Variants in COL10A1 observed in about 807,000 individuals in gnomAD.
The protein encoded by COL10A1 is collagen alpha-1(X) chain.
Under a neutral mutation model 18.2 loss-of-function variants are expected in COL10A1, and 10 were observed. That is an observed-to-expected ratio of 0.55 (90% CI 0.34 to 0.93). The LOEUF is 0.93. Among genes scored for constraint, COL10A1 ranks in the 40% least tolerant of loss-of-function variants. The pLI is 0.02. For synonymous variants in COL10A1, 330 were observed against 316.6 expected (o/e 1.04, Z -0.45); for missense variants, 897 against 853.5 (o/e 1.05, Z -0.64).
chr6:116,178,011 T>G, the COL10A1 span, among the ~76,000 whole-genome samples: 1 of 152,018 alleles, frequency 6.6e-6, no homozygotes, highest in Admixed American at 6.6e-5. Context: ...TGGAATTGTT[T>G]TATCCTGTAT....
At chr6:116,166,045 A>T in the COL10A1 span, among the ~76,000 whole-genome samples, 2 of 152,162 alleles carry the variant, frequency 1.3e-5, no homozygotes, top group Admixed American at 6.5e-5. Context: ...GCCTGGGGTC[A>T]TGAAGGTAGA....
the COL10A1 span, among the ~76,000 whole-genome samples, chr6:116,216,367 C>G: frequency 6.8e-6 from 1 of 147,918 alleles, no homozygotes; most frequent in Non-Finnish European, 1.5e-5. Context: ...ATCCTGGTAG[C>G]ACATTAGGAC....
upstream of COL10A1, among the ~76,000 whole-genome samples, chr6:116,130,680 A>G (rs1164419455): frequency 1.3e-5 from 2 of 151,998 alleles, no homozygotes; most frequent in African/African-American, 2.4e-5. Context: ...AAGATATATG[A>G]TAACATTTTA....
At chr6:116,164,816 G>A in the COL10A1 span, among the ~76,000 whole-genome samples, 1 of 152,118 alleles carries the variant, frequency 6.6e-6, no homozygotes, top group African/African-American at 2.4e-5. Context: ...CATTTATGAA[G>A]CTTAGTTTAA....
the COL10A1 span, among the ~76,000 whole-genome samples, chr6:116,187,696 G>C: frequency 6.6e-6 from 1 of 151,914 alleles, no homozygotes; most frequent in African/African-American, 2.4e-5. Flanking sequence ...TCACATATTA[G>C]ACAAAAATCA....
chr6:116,166,652 A>C, the COL10A1 span, among the ~76,000 whole-genome samples: 1 of 152,182 alleles, frequency 6.6e-6, no homozygotes, highest in African/African-American at 2.4e-5. Flanking sequence ...GATAAAAAAC[A>C]CTCTTAAAAC....
At chr6:116,146,726 C>G (rs568363192) in intron 1 of COL10A1, among the ~76,000 whole-genome samples, 57 of 151,994 alleles carry the variant, frequency 3.8e-4, no homozygotes, top group African/African-American at 1.3e-3. Flanking sequence ...TCATGGTATT[C>G]AAACTGAATA....
chr6:116,217,027 G>A, the COL10A1 span, among the ~76,000 whole-genome samples: 1 of 152,116 alleles, frequency 6.6e-6, no homozygotes, highest in South Asian at 2.1e-4. Context: ...AGTCCCCTCG[G>A]ACAGCAGCTT....
At chr6:116,140,135 A>C (rs1779729657) in intron 1 of COL10A1, among the ~76,000 whole-genome samples, 2 of 152,154 alleles carry the variant, frequency 1.3e-5, no homozygotes, top group Admixed American at 1.3e-4. Flanking sequence ...TATGGACACC[A>C]ATTTCAAAGG....
intron 1 of COL10A1, chr6:116,145,351 T>TA (rs574021792): frequency 1.2e-3 from 323 of 267,788 alleles, no homozygotes; most frequent in Non-Finnish European, 1.5e-3. Context: ...TATGAAATGC[T>TA]AAAAAAAAAT....
chr6:116,175,904 T>C, the COL10A1 span, among the ~76,000 whole-genome samples: 2 of 152,164 alleles, frequency 1.3e-5, no homozygotes, highest in African/African-American at 4.8e-5. Context: ...CATCTGTGAG[T>C]CTGTGTCTAT....
At chr6:116,205,385 T>C in the COL10A1 span, among the ~76,000 whole-genome samples, 1 of 151,952 alleles carries the variant, frequency 6.6e-6, no homozygotes, top group Non-Finnish European at 1.5e-5. Flanking sequence ...AATTTGGAAG[T>C]GTTCACATAT....
chr6:116,214,195 C>G, the COL10A1 span, among the ~76,000 whole-genome samples: 1 of 151,954 alleles, frequency 6.6e-6, no homozygotes, highest in Non-Finnish European at 1.5e-5. Flanking sequence ...ACTTTACATG[C>G]AAGAGTATTG....
the COL10A1 span, among the ~76,000 whole-genome samples, chr6:116,178,226 G>A: frequency 6.6e-6 from 1 of 151,966 alleles, no homozygotes; most frequent in Non-Finnish European, 1.5e-5. Flanking sequence ...CACAAGCTGA[G>A]GATCATACCT....
upstream of COL10A1, among the ~76,000 whole-genome samples, chr6:116,160,077 T>A (rs530100850): frequency 1.1e-4 from 16 of 152,320 alleles, no homozygotes; most frequent in African/African-American, 3.8e-4. Context: ...AATAAACATA[T>A]AAGTACAGGT....
At chr6:116,189,175 A>G in the COL10A1 span, among the ~76,000 whole-genome samples, 2 of 151,594 alleles carry the variant, frequency 1.3e-5, no homozygotes, top group African/African-American at 4.8e-5. Context: ...TTTTTAGTTG[A>G]CCACTCTTGA....
At chr6:116,170,149 T>TA in the COL10A1 span, among the ~76,000 whole-genome samples, 1 of 152,088 alleles carries the variant, frequency 6.6e-6, no homozygotes, top group Admixed American at 6.5e-5. Context: ...GCCAGTGTCT[T>TA]TATATATAAA....
chr6:116,201,571 T>C, the COL10A1 span, among the ~76,000 whole-genome samples: 1 of 152,052 alleles, frequency 6.6e-6, no homozygotes, highest in African/African-American at 2.4e-5. Flanking sequence ...TCAGGTTTAC[T>C]GATGATATTA....
the COL10A1 span, among the ~76,000 whole-genome samples, chr6:116,214,266 TTCA>T: frequency 1.3e-5 from 2 of 151,988 alleles, no homozygotes; most frequent in Non-Finnish European, 1.5e-5. Flanking sequence ...CATAAAACAG[TTCA>T]TCAGGTCTTT....
Sources: gnomAD v4.1 joint callset for allele counts (sites outside exome capture counted in the v4.1 genomes callset) on GRCh38, gnomAD v4.1.1 for gene constraint, MANE v1.5 for transcripts, NCBI Gene and HGNC (gene_info 2026-07-23, HGNC 2026-07-21) for gene names.